The following LRRTM4 variants were observed in gnomAD, a reference collection of about 807,000 sequenced individuals.
LRRTM4 encodes the protein leucine rich repeat transmembrane neuronal 4.
LRRTM4 carries 25 observed loss-of-function variants against 47.6 expected under a neutral mutation model. That is an observed-to-expected ratio of 0.53 (90% CI 0.38 to 0.73). The LOEUF is 0.73. Ranked by LOEUF, LRRTM4 falls within the 30% of genes least tolerant of loss-of-function variation. LRRTM4 has a pLI of 0.00. For missense variants in LRRTM4, 638 were observed against 713.4 expected, an observed-to-expected ratio of 0.89 and a Z score of 1.20; for synonymous variants, 311 against 269.5, an observed-to-expected ratio of 1.15 and a Z score of -1.51.
At chr2:77,423,677 A>G (rs1393361218) in intron 3 of LRRTM4, among the ~76,000 whole-genome samples, 2 of 152,228 alleles carry the variant, frequency 1.3e-5, no homozygotes, top group African/African-American at 4.8e-5. Context: ...TTATCTTTCT[A>G]TGCAGATAGG....
At chr2:77,228,558 A>G (rs1347230511) in intron 3 of LRRTM4, among the ~76,000 whole-genome samples, 1 of 152,164 alleles carries the variant, frequency 6.6e-6, no homozygotes, top group Non-Finnish European at 1.5e-5. Context: ...TGTTTGTGGG[A>G]AATCTTGCTG....
intron 3 of LRRTM4, among the ~76,000 whole-genome samples, chr2:76,854,249 G>A (rs1672082659): frequency 6.6e-6 from 1 of 152,132 alleles, no homozygotes; most frequent in Non-Finnish European, 1.5e-5. Context: ...CATATGATAA[G>A]TATGGGCAAA....
chr2:77,477,521 T>G (rs1677450708), intron 3 of LRRTM4, among the ~76,000 whole-genome samples: 1 of 152,030 alleles, frequency 6.6e-6, no homozygotes, highest in Admixed American at 6.6e-5. Flanking sequence ...ATATACTATT[T>G]GAAAGTATAT....
At chr2:76,789,300 A>ATAT (rs1674844706) in intron 3 of LRRTM4, among the ~76,000 whole-genome samples, 1 of 152,168 alleles carries the variant, frequency 6.6e-6, no homozygotes, top group Non-Finnish European at 1.5e-5. Context: ...CAAGTAGGTG[A>ATAT]TATTTACCTT....
chr2:77,173,484 T>C (rs1187016487), intron 3 of LRRTM4, among the ~76,000 whole-genome samples: 1 of 152,174 alleles, frequency 6.6e-6, no homozygotes, highest in Non-Finnish European at 1.5e-5. Context: ...AAATGGAAGT[T>C]ACCTGCCTGA....
At chr2:76,943,264 G>A (rs1675211623) in intron 3 of LRRTM4, among the ~76,000 whole-genome samples, 1 of 151,880 alleles carries the variant, frequency 6.6e-6, no homozygotes, top group South Asian at 2.1e-4. Context: ...GTGAAACCCC[G>A]TCTCTACTAA....
chr2:76,956,038 A>T (rs994649370), intron 3 of LRRTM4, among the ~76,000 whole-genome samples: 1 of 151,692 alleles, frequency 6.6e-6, no homozygotes, highest in African/African-American at 2.4e-5. Flanking sequence ...GGTTGAATGG[A>T]TTCAAAGAAT....
At chr2:76,751,961 T>G (rs1291511158) in intron 3 of LRRTM4, among the ~76,000 whole-genome samples, 2 of 152,182 alleles carry the variant, frequency 1.3e-5, no homozygotes, top group Non-Finnish European at 1.5e-5. Flanking sequence ...CATTCACTGA[T>G]TATAGAACAT....
At chr2:77,490,983 C>T (rs562600489) in intron 3 of LRRTM4, among the ~76,000 whole-genome samples, 40 of 151,122 alleles carry the variant, frequency 2.6e-4, no homozygotes, top group Non-Finnish European at 5.5e-4. Context: ...TAAGGTAAAA[C>T]TAATCTGGAT....
intron 3 of LRRTM4, among the ~76,000 whole-genome samples, chr2:76,798,308 A>T (rs1041363842): frequency 1.3e-5 from 2 of 152,186 alleles, no homozygotes; most frequent in Middle Eastern, 6.8e-3. Flanking sequence ...ACTCAAAACC[A>T]CTCAACTACA....
chr2:76,856,360 AT>A (rs1486381268), intron 3 of LRRTM4, among the ~76,000 whole-genome samples: 1 of 152,168 alleles, frequency 6.6e-6, no homozygotes, highest in Non-Finnish European at 1.5e-5. Flanking sequence ...TTTTTAGTTA[AT>A]TTTATATTGG....
In LRRTM4 at chr2:77,249,213, G is replaced by A. The variant is rs1675535114; in HGVS notation, c.1551+269105C>T. On this transcript the variant is annotated intron_variant, in intron 3 of 3. Coordinates refer to ENST00000409884, the MANE Select transcript of LRRTM4 (RefSeq NM_001134745.3). ...AAAAATACAAAAATTAGCTGGGCTT[G>A]GTGGTGAGTGCCTGTAATCCCAGCT... is the stretch of plus-strand genomic sequence containing the variant. Among the ~76,000 whole-genome samples, 2 of 151,950 alleles carry A rather than the reference G, an allele frequency of 1.3e-5. 1 individual carries two copies. The highest frequency in any genetic ancestry group is 4.8e-5 in the African/African-American group (2 of 41,370).
intron 3 of LRRTM4, among the ~76,000 whole-genome samples, chr2:77,000,260 T>C (rs1000313114): frequency 6.6e-6 from 1 of 152,000 alleles, no homozygotes; most frequent in Non-Finnish European, 1.5e-5. Flanking sequence ...AATTTCTTCT[T>C]TTGGACTGAA....
chr2:77,073,533 A>G (rs1003741157), intron 3 of LRRTM4, among the ~76,000 whole-genome samples: 2 of 152,128 alleles, frequency 1.3e-5, no homozygotes, highest in African/African-American at 4.8e-5. Flanking sequence ...ATCCACACAA[A>G]TCATTAGCAT....
chr2:77,108,592 C>CTT (rs1193270795), intron 3 of LRRTM4, among the ~76,000 whole-genome samples: 1 of 99,720 alleles, frequency 1.0e-5, no homozygotes, highest in African/African-American at 3.6e-5. Flanking sequence ...TTTTTTTTTT[C>CTT]TTTTTTTTTG....
chr2:77,358,738 G>A (rs1003584484), intron 3 of LRRTM4, among the ~76,000 whole-genome samples: 2 of 152,096 alleles, frequency 1.3e-5, no homozygotes, highest in East Asian at 3.9e-4. Context: ...TTACCTTATG[G>A]CTTCGGTAAC....
chr2:77,153,873 T>G (rs551050947), intron 3 of LRRTM4, among the ~76,000 whole-genome samples: 1 of 152,276 alleles, frequency 6.6e-6, no homozygotes, highest in African/African-American at 2.4e-5. Context: ...AAAAGAAACT[T>G]TTAATTATTA....
In LRRTM4 at chr2:76,828,685, G is replaced by A. The variant is rs7599941; in HGVS notation, c.1552-79769C>T. 8.0e-4 allele frequency among the ~76,000 whole-genome samples: 122 copies of A among 151,908 alleles called. 1 individual carries two copies. The highest frequency in any genetic ancestry group is 2.9e-3 in the African/African-American group (119 of 41,480). On this transcript the variant is annotated intron_variant, in intron 3 of 3. Coordinates refer to ENST00000409884, the MANE Select transcript of LRRTM4 (RefSeq NM_001134745.3). ...GATCTTTGTTTCTTTACTTGAAAAG[G>A]CACTTTAATTAATGTGAGCTCATAT...
At chr2:76,862,052 T>C (rs1249585975) in intron 3 of LRRTM4, among the ~76,000 whole-genome samples, 1 of 151,852 alleles carries the variant, frequency 6.6e-6, no homozygotes, top group Non-Finnish European at 1.5e-5. Context: ...GCCACAGGTA[T>C]TGGGGCTTGC....
Sources: allele counts gnomAD v4.1 joint callset (sites outside exome capture counted in the v4.1 genomes callset), GRCh38; gene constraint gnomAD v4.1.1; transcripts MANE v1.5; gene names NCBI Gene and HGNC (gene_info 2026-07-23, HGNC 2026-07-21).